The following ZSCAN31 variants were observed in gnomAD, a reference collection of about 807,000 sequenced individuals.
ZSCAN31 encodes zinc finger and SCAN domain-containing protein 31.
Under a neutral mutation model 22.5 loss-of-function variants are expected in ZSCAN31, and 14 were observed. The observed-to-expected ratio is 0.62, with a 90% confidence interval of 0.41 to 0.97. ZSCAN31 has a LOEUF of 0.97. Among genes scored for constraint, ZSCAN31 ranks in the 50% least tolerant of loss-of-function variants. The pLI, the probability that ZSCAN31 is intolerant of heterozygous loss-of-function variation, is 0.00. For synonymous variants in ZSCAN31, 168 were observed against 169.8 expected, an observed-to-expected ratio of 0.99 and a Z score of 0.08; for missense variants, 424 against 483.4, an observed-to-expected ratio of 0.88 and a Z score of 1.15.
upstream of ZSCAN31, among the ~76,000 whole-genome samples, chr6:28,354,534 A>G (rs1486146398): frequency 6.6e-6 from 1 of 152,106 alleles, no homozygotes; most frequent in East Asian, 1.9e-4. Flanking sequence ...TCTGACACAT[A>G]GGCTCTGGGC....
At chr6:28,343,547 T>C (rs1483075221) in intron 2 of ZSCAN31, among the ~76,000 whole-genome samples, 40 of 140,768 alleles carry the variant, frequency 2.8e-4, no homozygotes, top group Non-Finnish European at 5.0e-4. Flanking sequence ...TCTTTCTTTT[T>C]TTTTTTTTTT....
At position 28,329,573 on chromosome 6, in the gene ZSCAN31, G is replaced by A. The variant is rs529153682; in HGVS notation, c.111C>T (p.Ala37=). The A allele has an allele frequency of 1.2e-6, 2 of 1,614,178 alleles. No homozygotes were observed. The highest frequency in any genetic ancestry group is 2.2e-5 in the South Asian group (2 of 91,078). The change falls in exon 2 of 4, where the codon GCC becomes GCT. Residue 37 remains alanine, a synonymous_variant. Transcript: ENST00000344279. Reference sequence around the variant, plus strand: ...AAAACTGCCTAAAAAGTTGTCGGGAGGCTTCTTGGCCAGAAAAGTTGTTCC... The same window carrying A: ...AAAACTGCCTAAAAAGTTGTCGGGAAGCTTCTTGGCCAGAAAAGTTGTTCC... ...LRGNNFSGQE[A]SRQLFRQFCY...
At chr6:28,335,184 C>T (rs1764049320) in intron 1 of ZSCAN31, among the ~76,000 whole-genome samples, 1 of 152,082 alleles carries the variant, frequency 6.6e-6, no homozygotes, top group Non-Finnish European at 1.5e-5. Flanking sequence ...AGCCTGCCCC[C>T]GCCCATGATT....
upstream of ZSCAN31, among the ~76,000 whole-genome samples, chr6:28,341,063 A>T (rs1263062277): frequency 6.6e-6 from 1 of 152,208 alleles, no homozygotes; most frequent in Non-Finnish European, 1.5e-5. Flanking sequence ...CAAGAGAAAG[A>T]TGGCAGAATA....
At chr6:28,335,678 A>G (rs1764106104) in intron 1 of ZSCAN31, among the ~76,000 whole-genome samples, 1 of 152,184 alleles carries the variant, frequency 6.6e-6, no homozygotes, top group South Asian at 2.1e-4. Context: ...AGCGTTCGCC[A>G]GGACAGCCCG....
At chr6:28,341,243 T>A (rs575601674) in intron 3 of ZSCAN31, among the ~76,000 whole-genome samples, 64 of 152,210 alleles carry the variant, frequency 4.2e-4, no homozygotes, top group Middle Eastern at 3.2e-3. Flanking sequence ...CTTAGTCTAT[T>A]CAGGCTGCTG....
chr6:28,351,144 T>A lies in ZSCAN31; in HGVS notation c.-371+2718A>T, dbSNP rs984114958. Among the ~76,000 whole-genome samples, 1 of 152,234 alleles carries A rather than the reference T, an allele frequency of 6.6e-6. No individual in the cohort carries two copies. Among genetic ancestry groups the A allele is most frequent in the African/African-American group, 2.4e-5 (1 of 41,462 alleles). ...GAAACTTTCCTTTCCTTATCTTCAG[T>A]ATATTTACTGATTTGATAAATACTT... is the stretch of plus-strand genomic sequence containing the variant. On this transcript the variant is annotated intron_variant, in intron 2 of 7. Transcript: ENST00000396838. The surrounding 1 kb of genome is among the most constrained non-coding windows in gnomAD (Gnocchi z 4.6).
rs1373149060 is a variant in ZSCAN31, at chr6:28,326,535, T to A, written c.852A>T (p.Glu284Asp). Reference sequence around the variant, plus strand: ...TCTCTCCAGTGTGGCTCCGCCGATGTTCATTCAGGCTTGACCTCCGGCTGA... The same window carrying A: ...TCTCTCCAGTGTGGCTCCGCCGATGATCATTCAGGCTTGACCTCCGGCTGA... ...KAFSRRSSLNEHRRSHTGEKP... is the reference protein window; with the variant it reads ...KAFSRRSSLNDHRRSHTGEKP... Residue 284 changes from glutamate to aspartate, a missense_variant, in exon 4 of 4, where the codon GAA (glutamate) becomes GAT (aspartate). Glu to Asp is a conservative substitution (Grantham distance 45). Coordinates refer to ENST00000344279, the MANE Select transcript of ZSCAN31 (RefSeq NM_030899.5). The A allele has an allele frequency of 1.9e-6, 3 of 1,614,214 alleles. No individual in the cohort carries two copies. In the South Asian group the frequency reaches 3.3e-5, roughly 18 times the overall value.
chr6:28,343,080 A>T (rs1319370407), intron 2 of ZSCAN31, among the ~76,000 whole-genome samples: 1 of 152,192 alleles, frequency 6.6e-6, no homozygotes, highest in Non-Finnish European at 1.5e-5. Context: ...GCCAGATAAG[A>T]AATAAAGTTC....
rs928226507 is a variant in ZSCAN31, at chr6:28,351,541, T to C, written c.-371+2321A>G. On this transcript the variant is annotated intron_variant, in intron 2 of 7. Coordinates refer to the ZSCAN31 transcript ENST00000396838. The surrounding 1 kb of genome is among the most constrained non-coding windows in gnomAD (Gnocchi z 4.6). ...GAGAATGTTACAATGAACACCAATA[T>C]AACCATGACTCAGCTTCAGCCATCA... Among the ~76,000 whole-genome samples the C allele has an allele frequency of 6.6e-6, 1 of 152,200 alleles. No homozygotes were observed. The highest frequency in any genetic ancestry group is 2.4e-5 in the African/African-American group (1 of 41,452).
Position 28,326,220 on chromosome 6 carries a change from A to C in ZSCAN31, c.1167T>G (p.Ser389Arg), listed in dbSNP as rs1432839818. The C allele has an allele frequency of 6.2e-7, 1 of 1,613,758 alleles. No individual in the cohort carries two copies. Among genetic ancestry groups the C allele is most frequent in the South Asian group, 1.1e-5 (1 of 91,064 alleles). Residue 389 changes from serine (S) to arginine (R), a missense_variant, in exon 4 of 4, where the codon AGT becomes AGG. Coordinates refer to ENST00000344279, the MANE Select transcript of ZSCAN31 (RefSeq NM_030899.5). Reference sequence around the variant, plus strand: ...GATGTTTCTTAAGAAGTGTCCGCTTACTAAAGAGTTTACTGCACTGACTGC... The same window carrying C: ...GATGTTTCTTAAGAAGTGTCCGCTTCCTAAAGAGTTTACTGCACTGACTGC... ...YQCSQCSKLF[S>R]KRTLLKKHQK...
At chr6:28,353,739 T>C (rs1658930909) in intron 2 of ZSCAN31, 14 of 437,772 alleles carry the variant, frequency 3.2e-5, no homozygotes, top group South Asian at 2.3e-4. Context: ...TTAAAGATAG[T>C]TCTGGGGAAG....
chr6:28,337,715 A>C (rs1334720403), upstream of ZSCAN31: 1 of 152,150 alleles, frequency 6.6e-6, no homozygotes, highest in African/African-American at 2.4e-5. Flanking sequence ...AATTCAAGAG[A>C]CCTTATTTGA....
At position 28,352,148 on chromosome 6, in the gene ZSCAN31, G is replaced by A. The variant is rs546674285; in HGVS notation, c.-371+1714C>T. On this transcript the variant is annotated intron_variant, in intron 2 of 7. Transcript: ENST00000396838. ...ATGCCATTTATTTGTTGAGGAACTT[G>A]AACCTTCTGTTTTATAAAATGCCTC... Among the ~76,000 whole-genome samples, 22 of 152,200 alleles carry A rather than the reference G, an allele frequency of 1.4e-4. No homozygotes were observed. In the East Asian group the frequency reaches 4.1e-3, roughly 28 times the overall value.
At chr6:28,345,157 A>AG (rs1442784974) in intron 2 of ZSCAN31, among the ~76,000 whole-genome samples, 2 of 145,002 alleles carry the variant, frequency 1.4e-5, no homozygotes, top group Admixed American at 1.4e-4. Flanking sequence ...AAAAAAAAAA[A>AG]AAAGAAAAAG....
upstream of ZSCAN31, among the ~76,000 whole-genome samples, chr6:28,340,941 C>A (rs915689911): frequency 2.0e-5 from 3 of 152,102 alleles, no homozygotes; most frequent in African/African-American, 7.2e-5. Flanking sequence ...AGTGCAGGTG[C>A]AAGTCTGCTG....
chr6:28,354,463 A>G (rs1451432955), upstream of ZSCAN31, among the ~76,000 whole-genome samples: 1 of 152,130 alleles, frequency 6.6e-6, no homozygotes, highest in African/African-American at 2.4e-5. Flanking sequence ...GGTTTGGCAC[A>G]CAGGCCTGAC....
upstream of ZSCAN31, among the ~76,000 whole-genome samples, chr6:28,338,421 C>A (rs138402006): frequency 1.3e-5 from 2 of 152,194 alleles, no homozygotes; most frequent in South Asian, 2.1e-4. Flanking sequence ...AAAATACATT[C>A]TTTACATCAC....
chr6:28,328,148 T>TCACAGGAC (rs1338469936), intron 2 of ZSCAN31, among the ~76,000 whole-genome samples: 3 of 152,316 alleles, frequency 2.0e-5, no homozygotes, highest in South Asian at 2.1e-4. Context: ...CAGGGTGAGA[T>TCACAGGAC]CACAGGACCA....
Sources: gnomAD v4.1 joint callset for allele counts (sites outside exome capture counted in the v4.1 genomes callset) on GRCh38, gnomAD v4.1.1 for gene constraint, Gnocchi (gnomAD v3.1) non-coding constraint, MANE v1.5 for transcripts, NCBI Gene and HGNC (gene_info 2026-07-23, HGNC 2026-07-21) for gene names.